The following CUL7 variants were observed in gnomAD, a reference collection of about 807,000 sequenced individuals.
CUL7 encodes the protein cullin 7.
In CUL7, 96 loss-of-function variants were observed where a neutral mutation model predicts 177.7. That is an observed-to-expected ratio of 0.54 (90% confidence interval 0.46 to 0.64). CUL7 has a LOEUF of 0.64. Among genes scored for constraint, CUL7 ranks in the 30% least tolerant of loss-of-function variants. The pLI is 0.00. For missense variants in CUL7, 1,893 were observed against 2,187.9 expected, an observed-to-expected ratio of 0.87 and a Z score of 2.69; for synonymous variants, 824 against 890.2, an observed-to-expected ratio of 0.93 and a Z score of 1.32.
rs751925354 is a variant in CUL7 at position 43,052,648 on chromosome 6, ACG to A, written c.139_140del (p.Arg47TrpfsTer3). 6.2e-7 allele frequency: 1 copy of A among 1,614,156 alleles called. No homozygotes were observed. Among genetic ancestry groups the A allele is most frequent in the Non-Finnish European group, 8.5e-7 (1 of 1,180,032 alleles). Reference protein sequence around the residue: ...EYQIRWLILRRGDEGDGGSGQ... With the variant: ...EYQIRWLILRXGDEGDGGSGQ... Reference sequence around the variant, plus strand: ...CAGAGCCCCCGTCCCCCTCATCGCCACGCCGCAGGATGAGCCAACGGATCTGG... The same window carrying A: ...CAGAGCCCCCGTCCCCCTCATCGCCACCGCAGGATGAGCCAACGGATCTGG... On this transcript the variant is annotated frameshift_variant, in exon 2 of 26. Transcript: ENST00000265348. LOFTEE classifies it high-confidence loss of function. This position sits in a 1 kb window ranked among gnomAD's most constrained non-coding sequence, Gnocchi z 4.5.
chr6:43,051,065 G>A lies in CUL7; in HGVS notation c.1136C>T (p.Pro379Leu), dbSNP rs751379076. The A allele has an allele frequency of 1.2e-5, 19 of 1,614,116 alleles. No individual in the cohort carries two copies. Among genetic ancestry groups the A allele is most frequent in the Middle Eastern group, 1.6e-4 (1 of 6,062 alleles). The change falls in exon 4 of 26, where the codon CCG becomes CTG. Residue 379 changes from proline to leucine, a missense_variant. Pro to Leu is a moderately conservative substitution (Grantham distance 98). Around this residue, in one of 5 missense-constraint regions of CUL7, gnomAD observed 653 missense variants for 725.2 expected, o/e 0.90. Coordinates refer to ENST00000265348, the MANE Select transcript of CUL7 (RefSeq NM_014780.5). This position sits in a 1 kb window ranked among gnomAD's most constrained non-coding sequence, Gnocchi z 5.0. ...YALYVRDTLQ[P>L]GMRVRMLDDY... ...ATCCAGCATCCGCACTCGCATCCCCGGCTGCAGTGTGTCCCGCACATACAA... is the reference window on the plus strand; with the variant it reads ...ATCCAGCATCCGCACTCGCATCCCCAGCTGCAGTGTGTCCCGCACATACAA...
rs1400090013 is a variant in CUL7 at position 43,053,754 on chromosome 6, G to C, written c.-141C>G. 1 of 1,499,986 alleles carries C rather than the reference G, an allele frequency of 6.7e-7. No homozygotes were observed. The highest frequency in any genetic ancestry group is 8.9e-7 in the Non-Finnish European group (1 of 1,127,064). 92.9% of individuals were successfully genotyped at this position (1,499,986 alleles called of 1,614,324 possible). On this transcript the variant is annotated 5_prime_UTR_variant, in exon 1 of 26. Coordinates refer to ENST00000265348, the MANE Select transcript of CUL7 (RefSeq NM_014780.5). The surrounding 1 kb of genome is among the most constrained non-coding windows in gnomAD (Gnocchi z 4.1). ...TCGAGACGGAGAGACGGGAGGGGGC[G>C]TGCCTCCGCGGAACAGAGCTGCACC...
Position 43,043,522 on chromosome 6 carries a change from C to T in CUL7, c.3281G>A (p.Arg1094His), listed in dbSNP as rs759680886. The T allele has an allele frequency of 5.6e-6, 9 of 1,614,066 alleles. No homozygotes were observed. Among genetic ancestry groups the T allele is most frequent in the East Asian group, 4.5e-5 (2 of 44,878 alleles). Residue 1094 changes from arginine (R) to histidine (H), a missense_variant, in exon 17 of 26, where the codon CGC (arginine) becomes CAC (histidine). Transcript: ENST00000265348. The surrounding 1 kb of genome is among the most constrained non-coding windows in gnomAD (Gnocchi z 4.2). ...SRGPAFFSRV[R>H]RLTHLLVHVE... is the part of the protein sequence containing the mutation. ...ATGCACCAGCAGGTGAGTGAGACGG[C>T]GCACCCGCGAGAAGAAAGCTGGGCC... is the stretch of plus-strand genomic sequence containing the variant.
Position 43,038,257 on chromosome 6 carries a change from C to A in CUL7, c.4773+10G>T, listed in dbSNP as rs1295341943. On this transcript the variant is annotated intron_variant, in intron 25 of 25. Transcript: ENST00000265348. ...AAGATCTGTCACCCATTGTGCCCACCCCTGCCTACCAGACAGACAAGCTGG... is the reference window on the plus strand; with the variant it reads ...AAGATCTGTCACCCATTGTGCCCACACCTGCCTACCAGACAGACAAGCTGG... The A allele has an allele frequency of 1.2e-6, 2 of 1,614,020 alleles. No individual in the cohort carries two copies. Among genetic ancestry groups the A allele is most frequent in the South Asian group, 2.2e-5 (2 of 91,036 alleles).
Position 43,041,076 on chromosome 6 carries a change from C to T in CUL7, c.3646-1G>A, listed in dbSNP as rs759300763. 2.5e-6 allele frequency: 4 copies of T among 1,613,714 alleles called. No homozygotes were observed. In the South Asian group the frequency reaches 4.4e-5, roughly 18 times the overall value. On this transcript the variant is annotated splice_acceptor_variant, in intron 19 of 25. Coordinates refer to ENST00000265348, the MANE Select transcript of CUL7 (RefSeq NM_014780.5). LOFTEE classifies it high-confidence loss of function. ...TGTGCCGGGCGAACTGCTCACTCAC[C>T]TGAGCAATGGCAGAGCACAGGAAAG...
chr6:43,046,205 G>A, intron 12 of CUL7, 31 bp downstream of exon 12: 2 of 1,614,156 alleles, frequency 1.2e-6, no homozygotes, highest in Non-Finnish European at 1.7e-6. Context: ...AAGCACACGT[G>A]TGTGGCAAAG....
chr6:43,042,514 T>A (rs572059157), intron 19 of CUL7, among the ~76,000 whole-genome samples: 1 of 152,276 alleles, frequency 6.6e-6, no homozygotes, highest in South Asian at 2.1e-4. Flanking sequence ...CTAATTTTTG[T>A]ATTTTTAGTA....
rs1764440031 is a variant in CUL7, at chr6:43,051,872, G to T, written c.581-109C>A. On this transcript the variant is annotated intron_variant, in intron 2 of 25. Coordinates refer to ENST00000265348, the MANE Select transcript of CUL7 (RefSeq NM_014780.5). This position sits in a 1 kb window ranked among gnomAD's most constrained non-coding sequence, Gnocchi z 5.0. ...CCTTTTGCCACCACACAATGAGAAA[G>T]AACTGATTTGCTTCAAAAGCTAAAA... The T allele has an allele frequency of 2.1e-6, 3 of 1,410,768 alleles. No homozygotes were observed. The highest frequency in any genetic ancestry group is 1.8e-4 in the Middle Eastern group (1 of 5,662). The allele number at this position is 1,410,768 out of a possible 1,614,324, so 87.4% of individuals were successfully genotyped here. A position where few individuals can be genotyped will look rare whatever the true frequency, so the allele number is the denominator to read the frequency against.
Position 43,040,389 on chromosome 6 carries a change from T to A in CUL7, c.4061A>T (p.Glu1354Val). The A allele has an allele frequency of 6.2e-7, 1 of 1,613,212 alleles. No homozygotes were observed. Among genetic ancestry groups the A allele is most frequent in the Non-Finnish European group, 8.5e-7 (1 of 1,180,032 alleles). The change falls in exon 22 of 26, where the codon GAG becomes GTG. Residue 1354 changes from glutamate (E) to valine (V), a missense_variant. By Grantham distance (121) the Glu-to-Val change is moderately radical. This residue lies in a region of CUL7 where 973 missense variants were observed against 1,140.9 expected (regional missense o/e 0.85). Transcript: ENST00000265348. The surrounding 1 kb of genome is among the most constrained non-coding windows in gnomAD (Gnocchi z 4.2). ...LGASGKEHKS[E>V]KEEEAGAAAV... is the part of the protein sequence containing the mutation. ...TGCTGCCCCAGCTTCCTCTTCCTTC[T>A]CGCTCTTGTGCTCCTTGCCACTGGC...
In CUL7 at chr6:43,038,609, TGAA is replaced by T; in HGVS notation, c.4521_4523del (p.Ser1508del). 1 of 1,613,994 alleles carries T rather than the reference TGAA, an allele frequency of 6.2e-7. No individual in the cohort carries two copies. Among genetic ancestry groups the T allele is most frequent in the Admixed American group, 1.7e-5 (1 of 60,016 alleles). Reference sequence around the variant, plus strand: ...GCTCGTGAAGGTCCAGGGGGCCTCTTGAAGAGGTGAGGGGCCCAATCGCCTGAT... The same window carrying T: ...GCTCGTGAAGGTCCAGGGGGCCTCTTGAGGTGAGGGGCCCAATCGCCTGAT... On this transcript the variant is annotated inframe_deletion, in exon 24 of 26. Transcript: ENST00000265348.
In CUL7 at chr6:43,045,373, T is replaced by C. The variant is rs1302053740; in HGVS notation, c.2892A>G (p.Leu964=). 1 of 1,614,228 alleles carries C rather than the reference T, an allele frequency of 6.2e-7. No homozygotes were observed. The highest frequency in any genetic ancestry group is 1.1e-5 in the South Asian group (1 of 91,090). The change falls in exon 15 of 26, where the codon TTA becomes TTG. Residue 964 remains leucine (L), a synonymous_variant. Transcript: ENST00000265348. The surrounding 1 kb of genome is among the most constrained non-coding windows in gnomAD (Gnocchi z 4.8). ...QGGIDTRIRG[L]EILGPKPTFW... ...ACGTGGGCTTGGGGCCTAGGATCTC[T>C]AACCCCCGAATGCGCGTATCAATGC...
chr6:43,040,839 C>T lies in CUL7; in HGVS notation c.3806+76G>A. 1 of 1,603,334 alleles carries T rather than the reference C, an allele frequency of 6.2e-7. No homozygotes were observed. The highest frequency in any genetic ancestry group is 8.5e-7 in the Non-Finnish European group (1 of 1,171,666). On this transcript the variant is annotated intron_variant, in intron 20 of 25. Coordinates refer to ENST00000265348, the MANE Select transcript of CUL7 (RefSeq NM_014780.5). This position sits in a 1 kb window ranked among gnomAD's most constrained non-coding sequence, Gnocchi z 4.2. ...GGCTCCAGCCTGCCTCTATCCCAGA[C>T]TTCCAGGCCCATGAGCTGGCTCTGC...
In CUL7 at chr6:43,053,566, G is replaced by T; in HGVS notation, c.-9+56C>A. The T allele has an allele frequency of 1.7e-6, 2 of 1,195,356 alleles. No homozygotes were observed. Among genetic ancestry groups the T allele is most frequent in the Non-Finnish European group, 2.2e-6 (2 of 921,846 alleles). 74.0% of individuals were successfully genotyped at this position (1,195,356 alleles called of 1,614,324 possible). A position where few individuals can be genotyped will look rare whatever the true frequency, so the allele number is the denominator to read the frequency against. On this transcript the variant is annotated intron_variant, in intron 1 of 25. Coordinates refer to ENST00000265348, the MANE Select transcript of CUL7 (RefSeq NM_014780.5). The surrounding 1 kb of genome is among the most constrained non-coding windows in gnomAD (Gnocchi z 4.1). ...CCGAGGTTGGGTGAGCGCGAGGCTC[G>T]ATGGGCTAGTGGGCAGGGAAGGAGA...
rs1346421847 is a variant in CUL7, at chr6:43,050,601, CACACAG to C, written c.1234-209_1234-204del. Among the ~76,000 whole-genome samples the C allele has an allele frequency of 1.4e-5, 2 of 140,798 alleles. No individual in the cohort carries two copies. Among genetic ancestry groups the C allele is most frequent in the African/African-American group, 2.8e-5 (1 of 35,426 alleles). 92.4% of individuals were successfully genotyped at this position (140,798 alleles called of 152,430 possible). On this transcript the variant is annotated intron_variant, in intron 4 of 25. Coordinates refer to ENST00000265348, the MANE Select transcript of CUL7 (RefSeq NM_014780.5). The surrounding 1 kb of genome is among the most constrained non-coding windows in gnomAD (Gnocchi z 4.1). ...ACACACACACACACACACACACACACACACAGGATGCCTTCTCCTTTGGGGGATGGG... is the reference window on the plus strand; with the variant it reads ...ACACACACACACACACACACACACACGATGCCTTCTCCTTTGGGGGATGGG...
Position 43,048,482 on chromosome 6 carries a change from A to C in CUL7, c.1913T>G (p.Leu638Arg), listed in dbSNP as rs773760638. The C allele has an allele frequency of 2.1e-5, 34 of 1,614,114 alleles. No individual in the cohort carries two copies. Among genetic ancestry groups the C allele is most frequent in the Non-Finnish European group, 2.7e-5 (32 of 1,180,012 alleles). Residue 638 changes from leucine (L) to arginine (R), a missense_variant, in exon 8 of 26, where the codon CTA becomes CGA. Around this residue, in one of 5 missense-constraint regions of CUL7, gnomAD observed 973 missense variants for 1,140.9 expected, o/e 0.85. Coordinates refer to ENST00000265348, the MANE Select transcript of CUL7 (RefSeq NM_014780.5). ...YGPAGKILLD[L>R]EQALSSEGTQ... ...CCCCTCTGAGCTGAGGGCTTGCTCT[A>C]GATCCAGGAGGATTTTCCCAGCTGG...
chr6:43,042,117 G>GGGAAGGAAGGAA (rs1205097372), intron 19 of CUL7, among the ~76,000 whole-genome samples: 2 of 143,338 alleles, frequency 1.4e-5, no homozygotes, highest in Non-Finnish European at 3.1e-5. Context: ...GAGGGAAGGA[G>GGGAAGGAAGGAA]GGAAGGAAGG....
Position 43,045,465 on chromosome 6 carries a change from C to T in CUL7, c.2863-63G>A, listed in dbSNP as rs983285842. ...CCTTGGGATGGGCTGGGGTCAGCTA[C>T]GCCCTCGAACCTCACCCCTGGAGCT... On this transcript the variant is annotated intron_variant, in intron 14 of 25. Transcript: ENST00000265348. This position sits in a 1 kb window ranked among gnomAD's most constrained non-coding sequence, Gnocchi z 4.8. The T allele has an allele frequency of 7.4e-6, 12 of 1,613,894 alleles. No homozygotes were observed. The highest frequency in any genetic ancestry group is 1.6e-4 in the Middle Eastern group (1 of 6,062).
At position 43,049,459 on chromosome 6, in the gene CUL7, C is replaced by T. The variant is rs746386199; in HGVS notation, c.1773G>A (p.Leu591=). 1.2e-6 allele frequency: 2 copies of T among 1,614,242 alleles called. No homozygotes were observed. Among genetic ancestry groups the T allele is most frequent in the South Asian group, 1.1e-5 (1 of 91,086 alleles). Residue 591 remains leucine (L), a synonymous_variant, in exon 7 of 26, where the codon CTG becomes CTA. Coordinates refer to ENST00000265348, the MANE Select transcript of CUL7 (RefSeq NM_014780.5). ...SLLEAQEDVL[L]LDAQAQAKDS... is the part of the protein sequence containing the mutation. ...CCTTAGCCTGGGCCTGCGCGTCTAGCAGGAGGACATCTTCTTGGGCTTCTA... is the reference window on the plus strand; with the variant it reads ...CCTTAGCCTGGGCCTGCGCGTCTAGTAGGAGGACATCTTCTTGGGCTTCTA...
At position 43,051,263 on chromosome 6, in the gene CUL7, C is replaced by A. The variant is rs757733399; in HGVS notation, c.938G>T (p.Trp313Leu). ...CCTTGGTCTGTCTGAGGCCTGGTCC[C>A]AGCGCATGGCTTGCACCAGCTCCGA... is the stretch of plus-strand genomic sequence containing the variant. ...LISELVQAMR[W>L]DQASDRPRSS... Residue 313 changes from tryptophan (W) to leucine (L), a missense_variant, in exon 4 of 26, where the codon TGG becomes TTG. Physicochemically the swap from Trp to Leu is moderately conservative, Grantham distance 61. Around this residue, in one of 5 missense-constraint regions of CUL7, gnomAD observed 653 missense variants for 725.2 expected, o/e 0.90. Coordinates refer to ENST00000265348, the MANE Select transcript of CUL7 (RefSeq NM_014780.5). This position sits in a 1 kb window ranked among gnomAD's most constrained non-coding sequence, Gnocchi z 5.0. The A allele has an allele frequency of 2.5e-6, 4 of 1,612,654 alleles. No homozygotes were observed. In the South Asian group the frequency reaches 3.3e-5, roughly 13 times the overall value.
Sources: allele counts gnomAD v4.1 joint callset (sites outside exome capture counted in the v4.1 genomes callset), GRCh38; gene constraint gnomAD v4.1.1; regional missense constraint gnomAD v4.1.1; non-coding constraint Gnocchi (gnomAD v3.1); transcripts MANE v1.5; gene names NCBI Gene and HGNC (gene_info 2026-07-23, HGNC 2026-07-21).